ADGRV1: variants seen among roughly 807,000 people sequenced by gnomAD.
ADGRV1 encodes G-protein coupled receptor 98.
ADGRV1 carries 359 observed loss-of-function variants against 596.2 expected under a neutral mutation model. The observed-to-expected ratio is 0.60, with a 90% CI of 0.55 to 0.66. The LOEUF (loss-of-function observed/expected upper bound fraction) is 0.66, where lower values mean the gene tolerates loss of function less well. Ranked by LOEUF, ADGRV1 falls within the 30% of genes least tolerant of loss-of-function variation. The pLI is 0.00. For missense variants in ADGRV1, 7,274 were observed against 7,575.6 expected, an observed-to-expected ratio of 0.96 and a Z score of 1.48; for synonymous variants, 2,681 against 2,679.2, an observed-to-expected ratio of 1.00 and a Z score of -0.02.
chr5:90,835,495 T>C (rs1764899011), intron 77 of ADGRV1, among the ~76,000 whole-genome samples: 1 of 152,226 alleles, frequency 6.6e-6, no homozygotes, highest in South Asian at 2.1e-4. Context: ...AGATCAGACC[T>C]GAAGCTAGCA....
chr5:90,725,794 G>T, intron 48 of ADGRV1, 138 bp downstream of exon 48: 1 of 570,992 alleles, frequency 1.8e-6, no homozygotes, highest in Non-Finnish European at 3.1e-6. Flanking sequence ...AGAATGTAAA[G>T]ACTGGTTAGT....
At chr5:90,819,067 CTATTGAT>C (rs1177032396) in intron 75 of ADGRV1, among the ~76,000 whole-genome samples, 3 of 152,140 alleles carry the variant, frequency 2.0e-5, no homozygotes, top group African/African-American at 7.2e-5. Context: ...GGTTGGTAAA[CTATTGAT>C]TATTGCTACA....
At chr5:90,614,573 A>T in intron 1 of ADGRV1, 1 of 384,070 alleles carries the variant, frequency 2.6e-6, no homozygotes, top group Non-Finnish European at 4.8e-6. Context: ...AGTAAGTTTA[A>T]CTTACAGCTA....
intron 18 of ADGRV1, among the ~76,000 whole-genome samples, chr5:90,651,950 C>T (rs913843711): frequency 5.9e-5 from 9 of 151,302 alleles, no homozygotes; most frequent in Admixed American, 4.6e-4. Flanking sequence ...TCTCCCCACC[C>T]CCCTCGTTCA....
At chr5:90,859,039 CAG>C (rs1390032265) in intron 82 of ADGRV1, among the ~76,000 whole-genome samples, 4 of 152,286 alleles carry the variant, frequency 2.6e-5, no homozygotes, top group African/African-American at 9.6e-5. Flanking sequence ...GATAGAAATA[CAG>C]AGAGACAAGC....
chr5:91,052,370 G>T (rs1210772464), intron 85 of ADGRV1, among the ~76,000 whole-genome samples: 1 of 149,396 alleles, frequency 6.7e-6, no homozygotes, highest in East Asian at 1.9e-4. Context: ...TGAATGGATT[G>T]TAGTGTTTTG....
At chr5:90,605,980 C>A (rs1288158448) in intron 1 of ADGRV1, among the ~76,000 whole-genome samples, 1 of 151,926 alleles carries the variant, frequency 6.6e-6, no homozygotes, top group Non-Finnish European at 1.5e-5. Flanking sequence ...ACAAATTTTT[C>A]CCAATTTACA....
At chr5:90,709,250 A>G (rs7720923) in intron 39 of ADGRV1, among the ~76,000 whole-genome samples, 3,409 of 152,062 alleles carry the variant, frequency 0.022, 126 homozygotes, top group African/African-American at 0.08. Flanking sequence ...AGATGTTTTT[A>G]TTTTCTTTTA....
intron 85 of ADGRV1, among the ~76,000 whole-genome samples, chr5:90,995,034 C>A (rs949795872): frequency 2.0e-5 from 3 of 152,306 alleles, no homozygotes; most frequent in South Asian, 2.1e-4. Flanking sequence ...TGAACATGAG[C>A]AAAGCCTCAA....
chr5:90,897,543 C>T (rs1771449293), intron 83 of ADGRV1, among the ~76,000 whole-genome samples: 2 of 152,276 alleles, frequency 1.3e-5, no homozygotes, highest in South Asian at 2.1e-4. Context: ...TCAACAAATA[C>T]GAATATCATT....
intron 84 of ADGRV1, 142 bp downstream of exon 84, chr5:90,965,673 A>G: frequency 3.8e-6 from 2 of 520,782 alleles, no homozygotes; most frequent in Non-Finnish European, 6.9e-6. Flanking sequence ...AATGACAAAT[A>G]AAAACACCCT....
chr5:90,894,933 T>G (rs1195965972), intron 83 of ADGRV1, among the ~76,000 whole-genome samples: 1 of 152,072 alleles, frequency 6.6e-6, no homozygotes, highest in Non-Finnish European at 1.5e-5. Flanking sequence ...CTTTTCTTTC[T>G]TTTTTGTTTT....
Position 90,982,763 on chromosome 5 carries a change from C to G in ADGRV1, c.17974-2581C>G, listed in dbSNP as rs575279198. ...GGCTCAGCCGGGCCAGGCTTCTCCC[C>G]TGATTAAATCAGCTGTGGCCAGGGG... On this transcript the variant is annotated intron_variant, in intron 84 of 89. Transcript: ENST00000405460. Among the ~76,000 whole-genome samples the G allele has an allele frequency of 1.6e-4, 25 of 152,302 alleles. 1 individual carries two copies. Among genetic ancestry groups the G allele is most frequent in the African/African-American group, 5.1e-4 (21 of 41,570 alleles).
chr5:90,872,423 T>TTGTG lies in ADGRV1; in HGVS notation c.17856+8606_17856+8609dup, dbSNP rs55743704. Among the ~76,000 whole-genome samples, 1,281 of 147,408 alleles carry TTGTG rather than the reference T, an allele frequency of 8.7e-3. 17 individuals carry two copies. The highest frequency in any genetic ancestry group is 0.03 in the African/African-American group (1,196 of 39,618). The stretch of plus-strand genomic sequence containing the variant: ...AGAAAATTATACATATGGTATGAGC[T>TTGTG]TGTGTGTGTGTGTGTGTGTGTGTGT... On this transcript the variant is annotated intron_variant, in intron 83 of 89. Transcript: ENST00000405460.
At chr5:90,599,305 G>A (rs933446319) in intron 1 of ADGRV1, among the ~76,000 whole-genome samples, 1 of 152,098 alleles carries the variant, frequency 6.6e-6, no homozygotes, top group African/African-American at 2.4e-5. Context: ...GTTTTATACA[G>A]CTCTCACCCA....
At chr5:91,013,440 G>T (rs1782889511) in intron 85 of ADGRV1, among the ~76,000 whole-genome samples, 1 of 152,050 alleles carries the variant, frequency 6.6e-6, no homozygotes, top group African/African-American at 2.4e-5. Context: ...TTGTGGTTTT[G>T]ATTTGCATTT....
At chr5:91,079,227 G>C (rs1415946545) in intron 86 of ADGRV1, among the ~76,000 whole-genome samples, 1 of 152,130 alleles carries the variant, frequency 6.6e-6, no homozygotes, top group Non-Finnish European at 1.5e-5. Flanking sequence ...ATGCCTTGGG[G>C]CCTAAGGAAA....
chr5:90,666,291 G>A (rs1323993302), intron 21 of ADGRV1, among the ~76,000 whole-genome samples: 2 of 152,056 alleles, frequency 1.3e-5, no homozygotes, highest in Non-Finnish European at 2.9e-5. Context: ...TTTGAATGTG[G>A]GTGCTCCTTT....
chr5:90,655,927 A>G (rs1012153117), intron 20 of ADGRV1: 4 of 152,204 alleles, frequency 2.6e-5, no homozygotes, highest in African/African-American at 9.6e-5. Flanking sequence ...ACATGTTCGT[A>G]TACACACACT....
Sources: gnomAD v4.1 joint callset for allele counts (sites outside exome capture counted in the v4.1 genomes callset) on GRCh38, gnomAD v4.1.1 for gene constraint, MANE v1.5 for transcripts, NCBI Gene and HGNC (gene_info 2026-07-23, HGNC 2026-07-21) for gene names.